ATP8B1: variants seen among roughly 807,000 people sequenced by gnomAD.
ATP8B1 encodes the protein phospholipid-transporting ATPase IC.
In ATP8B1, 80 loss-of-function variants were observed where a neutral mutation model predicts 149.9. The observed-to-expected ratio is 0.53, with a 90% CI of 0.45 to 0.64. ATP8B1 has a LOEUF of 0.64. Ranked by LOEUF, ATP8B1 falls within the 30% of genes least tolerant of loss-of-function variation. The pLI is 0.00. For missense variants in ATP8B1, 1,247 were observed against 1,552.6 expected (o/e 0.80, Z 3.31); for synonymous variants, 536 against 562.8 (o/e 0.95, Z 0.67).
Position 57,761,108 on chromosome 18 carries a change from A to G in ATP8B1, c.-25-29276T>C, listed in dbSNP as rs1342712467. Among the ~76,000 whole-genome samples, 4 of 108,020 alleles carry G rather than the reference A, an allele frequency of 3.7e-5. No homozygotes were observed. The Admixed American group carries it at 4.3e-4, about 12-fold the overall frequency. The allele number at this position is 108,020 out of a possible 152,430, so 70.9% of individuals were successfully genotyped here. A position where few individuals can be genotyped will look rare whatever the true frequency, so the allele number is the denominator to read the frequency against. On this transcript the variant is annotated intron_variant, in intron 1 of 27. Coordinates refer to ENST00000648908, the MANE Select transcript of ATP8B1 (RefSeq NM_001374385.1). ...AATAAAATAAAATAAAAAATAAAAT[A>G]AAATATAAAATAAAATAAAATAAAA...
chr18:57,661,486 G>T (rs764261100), intron 21 of ATP8B1, 24 bp from the exon 22 acceptor site: 2 of 1,610,368 alleles, frequency 1.2e-6, no homozygotes, highest in East Asian at 2.2e-5. Flanking sequence ...GAGGGAAAAG[G>T]TTACATTCAC....
intron 2 of ATP8B1, among the ~76,000 whole-genome samples, chr18:57,723,114 T>C (rs2079664921): frequency 6.6e-6 from 1 of 151,184 alleles, no homozygotes; most frequent in Admixed American, 6.6e-5. Flanking sequence ...TAATAAGAGC[T>C]ATCTATGACA....
intron 1 of ATP8B1, among the ~76,000 whole-genome samples, chr18:57,779,406 A>G (rs1229715822): frequency 6.6e-6 from 1 of 152,216 alleles, no homozygotes; most frequent in African/African-American, 2.4e-5. Flanking sequence ...CAGCATTGAG[A>G]GAGGCAGAGA....
At chr18:57,773,075 TG>T (rs2080276931) in intron 1 of ATP8B1, among the ~76,000 whole-genome samples, 1 of 151,606 alleles carries the variant, frequency 6.6e-6, no homozygotes, top group African/African-American at 2.4e-5. Flanking sequence ...TGGTGGTGCA[TG>T]CCTGTAATTC....
chr18:57,690,125 G>A lies in ATP8B1; in HGVS notation c.1221-1618C>T, dbSNP rs553040613. ...AAGTGGTCAGAAACAGAATGAGTCA[G>A]GAAAGGTCAGGGTAATAAGGTGTTG... On this transcript the variant is annotated intron_variant, in intron 12 of 27. Transcript: ENST00000648908. Among the ~76,000 whole-genome samples, 233 of 152,322 alleles carry A rather than the reference G, an allele frequency of 1.5e-3. 1 individual carries two copies. Among genetic ancestry groups the A allele is most frequent in the African/African-American group, 5.0e-3 (206 of 41,586 alleles).
chr18:57,680,278 A>AAAAAAAAAAAAAAAAAAAG (rs1911870485), intron 15 of ATP8B1, among the ~76,000 whole-genome samples: 1 of 10,666 alleles, frequency 9.4e-5, no homozygotes, highest in African/African-American at 3.7e-4. Flanking sequence ...ACTCAGTCTC[A>AAAAAAAAAAAAAAAAAAAG]AAAAAAAAAA....
At chr18:57,724,174 C>T (rs1244430548) in intron 2 of ATP8B1, among the ~76,000 whole-genome samples, 1 of 148,812 alleles carries the variant, frequency 6.7e-6, no homozygotes, top group Non-Finnish European at 1.5e-5. Context: ...CATTACCATT[C>T]AGGACATAGG....
chr18:57,769,419 C>A (rs2080246952), intron 1 of ATP8B1, among the ~76,000 whole-genome samples: 1 of 152,202 alleles, frequency 6.6e-6, no homozygotes, highest in African/African-American at 2.4e-5. Flanking sequence ...TCCAAACCCA[C>A]TGTGAATGGA....
intron 1 of ATP8B1, among the ~76,000 whole-genome samples, chr18:57,776,932 G>T (rs1449691916): frequency 6.6e-6 from 1 of 151,534 alleles, no homozygotes; most frequent in Non-Finnish European, 1.5e-5. Context: ...CCTACTCCAG[G>T]CCGATCGTTA....
chr18:57,667,091 C>T lies in ATP8B1; in HGVS notation c.2285+1G>A, dbSNP rs1284126611. 2.5e-6 allele frequency: 4 copies of T among 1,609,096 alleles called. No homozygotes were observed. The highest frequency in any genetic ancestry group is 3.4e-6 in the Non-Finnish European group (4 of 1,175,502). On this transcript the variant is annotated splice_donor_variant, in intron 20 of 27. Coordinates refer to ENST00000648908, the MANE Select transcript of ATP8B1 (RefSeq NM_001374385.1). LOFTEE classifies it high-confidence loss of function. Reference sequence around the variant, plus strand: ...ATTTCATACTGCAGGCTTTTACTCACTTAATATCCTCCCCATAGCAGATGG... The same window carrying T: ...ATTTCATACTGCAGGCTTTTACTCATTTAATATCCTCCCCATAGCAGATGG...
At chr18:57,797,388 T>C (rs1274718235) in intron 1 of ATP8B1, among the ~76,000 whole-genome samples, 1 of 152,164 alleles carries the variant, frequency 6.6e-6, no homozygotes, top group Non-Finnish European at 1.5e-5. Flanking sequence ...AGTGCCAGGC[T>C]TCTCAATCAC....
chr18:57,784,448 G>A lies in ATP8B1; in HGVS notation c.-26+18550C>T, dbSNP rs571286745. The stretch of plus-strand genomic sequence containing the variant: ...CTCGCGGATGGCAGCGGAGATAGAG[G>A]TTATCAGGTGGAGTCAAGGTCTTCC... On this transcript the variant is annotated intron_variant, in intron 1 of 27. Transcript: ENST00000648908. The surrounding 1 kb of genome is among the most constrained non-coding windows in gnomAD (Gnocchi z 4.4). Among the ~76,000 whole-genome samples the A allele has an allele frequency of 6.6e-5, 10 of 152,278 alleles. No individual in the cohort carries two copies. The South Asian group carries it at 2.1e-3, about 32-fold the overall frequency.
In ATP8B1 at chr18:57,668,062, A is replaced by G. The variant is rs957421033; in HGVS notation, c.2209+367T>C. The G allele has an allele frequency of 4.7e-6, 6 of 1,285,722 alleles. No individual in the cohort carries two copies. In the African/African-American group the frequency reaches 9.1e-5, roughly 19 times the overall value. The allele number at this position is 1,285,722 out of a possible 1,614,324, so 79.6% of individuals were successfully genotyped here. Reference sequence around the variant, plus strand: ...GGCAAGAAAACCAAAGTTATTGTTCAGTACTTTGTATTGTTCTACTCTGTG... The same window carrying G: ...GGCAAGAAAACCAAAGTTATTGTTCGGTACTTTGTATTGTTCTACTCTGTG... On this transcript the variant is annotated intron_variant, in intron 19 of 27. Coordinates refer to ENST00000648908, the MANE Select transcript of ATP8B1 (RefSeq NM_001374385.1).
At chr18:57,746,467 C>CTTTTTTT (rs71171082) in intron 1 of ATP8B1, among the ~76,000 whole-genome samples, 1 of 94,096 alleles carries the variant, frequency 1.1e-5, no homozygotes, top group Non-Finnish European at 2.0e-5. Context: ...CTGATGCTTA[C>CTTTTTTT]TTTTTTTTTT....
chr18:57,793,613 C>T (rs2663851), intron 1 of ATP8B1, among the ~76,000 whole-genome samples: 56,913 of 151,806 alleles, frequency 0.37, 13,660 homozygotes, highest in African/African-American at 0.68. Flanking sequence ...CTCCTTCCCT[C>T]CCCCACTTAC....
intron 15 of ATP8B1, among the ~76,000 whole-genome samples, chr18:57,680,585 A>AAAAAC (rs75854777): frequency 0.27 from 39,535 of 143,896 alleles, 5,678 homozygotes; most frequent in South Asian, 0.33. Context: ...ACTTGGTCTC[A>AAAAAC]AAAACAAAAC....
chr18:57,776,924 T>G (rs1289790901), intron 1 of ATP8B1, among the ~76,000 whole-genome samples: 1 of 151,794 alleles, frequency 6.6e-6, no homozygotes, highest in Non-Finnish European at 1.5e-5. Flanking sequence ...CTCTAAGTCC[T>G]ACTCCAGGCC....
chr18:57,699,458 CG>C (rs1288945481), intron 6 of ATP8B1, among the ~76,000 whole-genome samples: 1 of 151,868 alleles, frequency 6.6e-6, no homozygotes, highest in Non-Finnish European at 1.5e-5. Flanking sequence ...GAGTCTCGGC[CG>C]GGCCCGGTGG....
chr18:57,695,593 AATC>A, intron 8 of ATP8B1, 61 bp from the exon 9 acceptor site: 3 of 1,294,982 alleles, frequency 2.3e-6, no homozygotes, highest in Non-Finnish European at 3.3e-6. Context: ...AGTGGAAGTT[AATC>A]ATCCAAAGTT....
Sources: allele counts gnomAD v4.1 joint callset (sites outside exome capture counted in the v4.1 genomes callset), GRCh38; gene constraint gnomAD v4.1.1; non-coding constraint Gnocchi (gnomAD v3.1); transcripts MANE v1.5; gene names NCBI Gene and HGNC (gene_info 2026-07-23, HGNC 2026-07-21).